BLVRA: variants seen among roughly 807,000 people sequenced by gnomAD.
The protein encoded by BLVRA is BVR A.
BLVRA carries 22 observed loss-of-function variants against 32.8 expected under a neutral mutation model. The observed-to-expected ratio is 0.67, with a 90% CI of 0.48 to 0.96. The LOEUF (loss-of-function observed/expected upper bound fraction) is 0.96. Ranked by LOEUF, BLVRA falls within the 40% of genes least tolerant of loss-of-function variation. BLVRA has a pLI of 0.00. For missense variants in BLVRA, 323 were observed against 358.1 expected (o/e 0.90, Z 0.79); for synonymous variants, 119 against 141.3 (o/e 0.84, Z 1.12).
intron 2 of BLVRA, among the ~76,000 whole-genome samples, chr7:43,773,497 C>T (rs1346492159): frequency 1.3e-5 from 2 of 152,176 alleles, no homozygotes; most frequent in African/African-American, 2.4e-5. Flanking sequence ...CATAGTATTC[C>T]ATGGTGTATA....
chr7:43,774,977 G>T (rs1444183838), intron 2 of BLVRA, among the ~76,000 whole-genome samples: 1 of 152,118 alleles, frequency 6.6e-6, no homozygotes, highest in African/African-American at 2.4e-5. Flanking sequence ...TGTGATTTTT[G>T]TACATTGATT....
At chr7:43,761,558 C>A (rs1563533168) in intron 1 of BLVRA, among the ~76,000 whole-genome samples, 1 of 151,872 alleles carries the variant, frequency 6.6e-6, no homozygotes, top group Non-Finnish European at 1.5e-5. Context: ...ACATACATGG[C>A]AACTTCATTC....
Position 43,797,926 on chromosome 7 carries a change from TCA to T in BLVRA, c.353-2535_353-2534del, listed in dbSNP as rs1224879309. Reference sequence around the variant, plus strand: ...TATGCAAGTGGCCAGGCATGGTGGCTCACACCTGTAATCCTAGCACTTTGGGA... The same window carrying T: ...TATGCAAGTGGCCAGGCATGGTGGCTCACCTGTAATCCTAGCACTTTGGGA... On this transcript the variant is annotated intron_variant, in intron 5 of 7. Coordinates refer to ENST00000265523, the MANE Select transcript of BLVRA (RefSeq NM_000712.4). Among the ~76,000 whole-genome samples the T allele has an allele frequency of 3.9e-5, 6 of 152,032 alleles. No homozygotes were observed. The East Asian group carries it at 1.2e-3, about 29-fold the overall frequency.
At chr7:43,767,176 T>G (rs916172440) in intron 1 of BLVRA, 1 of 542,574 alleles carries the variant, frequency 1.8e-6, no homozygotes, top group Non-Finnish European at 3.3e-6. Context: ...AACAATAAAG[T>G]TCATAAGTAA....
intron 5 of BLVRA, among the ~76,000 whole-genome samples, chr7:43,794,711 G>A (rs2095789846): frequency 6.6e-6 from 1 of 151,962 alleles, no homozygotes; most frequent in Non-Finnish European, 1.5e-5. Context: ...CTCCAGCCTG[G>A]GTAACACCAT....
intron 1 of BLVRA, among the ~76,000 whole-genome samples, chr7:43,759,049 A>C (rs2095739478): frequency 6.6e-6 from 1 of 152,244 alleles, no homozygotes; most frequent in Non-Finnish European, 1.5e-5. Context: ...ATGTAGACCC[A>C]AGAGGGCAGG....
At chr7:43,772,541 T>C (rs867623219) in intron 2 of BLVRA, among the ~76,000 whole-genome samples, 16 of 152,222 alleles carry the variant, frequency 1.1e-4, no homozygotes, top group African/African-American at 2.9e-4. Context: ...CTGTCTGGTA[T>C]GAGACATTCC....
rs957641152 is a variant in BLVRA at position 43,787,145 on chromosome 7, A to G, written c.13-759A>G. On this transcript the variant is annotated intron_variant, in intron 2 of 7. Coordinates refer to ENST00000265523, the MANE Select transcript of BLVRA (RefSeq NM_000712.4). The surrounding 1 kb of genome is among the most constrained non-coding windows in gnomAD (Gnocchi z 4.5). ...TCCATGTTGGCCAGGCTGGTCTGGAACTCCTGACCTCAAGTGATCCACCTG... is the reference window on the plus strand; with the variant it reads ...TCCATGTTGGCCAGGCTGGTCTGGAGCTCCTGACCTCAAGTGATCCACCTG... Among the ~76,000 whole-genome samples, 1 of 151,460 alleles carries G rather than the reference A, an allele frequency of 6.6e-6. No homozygotes were observed. Among genetic ancestry groups the G allele is most frequent in the Admixed American group, 6.6e-5 (1 of 15,202 alleles).
chr7:43,803,175 C>T (rs528643875), intron 6 of BLVRA, among the ~76,000 whole-genome samples: 1 of 152,244 alleles, frequency 6.6e-6, no homozygotes, highest in Non-Finnish European at 1.5e-5. Context: ...ACCTTCATAC[C>T]TTATTGCCAC....
Position 43,791,358 on chromosome 7 carries a change from G to A in BLVRA, c.244G>A (p.Asp82Asn), listed in dbSNP as rs368001334. Residue 82 changes from aspartate to asparagine, a missense_variant, in exon 4 of 8, where the codon GAC (aspartate) becomes AAC (asparagine). Coordinates refer to ENST00000265523, the MANE Select transcript of BLVRA (RefSeq NM_000712.4). ...YICSESSSHEDYIRQFLNAGK... is the reference protein window; with the variant it reads ...YICSESSSHENYIRQFLNAGK... ...CTGCAGTGAGAGCTCCAGCCATGAG[G>A]ACTACATCAGGTGGGTTTTCCACAC... 9.9e-5 allele frequency: 159 copies of A among 1,614,036 alleles called. No homozygotes were observed. The highest frequency in any genetic ancestry group is 1.3e-4 in the Non-Finnish European group (154 of 1,180,024).
intron 3 of BLVRA, among the ~76,000 whole-genome samples, chr7:43,789,698 G>T (rs2095783081): frequency 6.6e-6 from 1 of 152,130 alleles, no homozygotes; most frequent in South Asian, 2.1e-4. Flanking sequence ...CTGCATGACA[G>T]CCCTGCCAGT....
intron 2 of BLVRA, among the ~76,000 whole-genome samples, chr7:43,776,396 T>A (rs1465678932): frequency 1.3e-5 from 2 of 152,258 alleles, no homozygotes; most frequent in South Asian, 4.1e-4. Context: ...CATTTCATTA[T>A]GTACCCAGTA....
At chr7:43,767,652 C>A in intron 1 of BLVRA, 1 of 706,336 alleles carries the variant, frequency 1.4e-6, no homozygotes, top group Non-Finnish European at 2.5e-6. Context: ...ATGATAAATG[C>A]TGGAGGGGGG....
chr7:43,774,436 A>G (rs1376108843), intron 2 of BLVRA, among the ~76,000 whole-genome samples: 3 of 152,332 alleles, frequency 2.0e-5, no homozygotes, highest in Admixed American at 2.0e-4. Flanking sequence ...TTTGTCAAAG[A>G]TCAGATAGTT....
intron 1 of BLVRA, among the ~76,000 whole-genome samples, chr7:43,760,929 CA>C (rs1451262525): frequency 6.6e-6 from 1 of 152,120 alleles, no homozygotes; most frequent in Non-Finnish European, 1.5e-5. Flanking sequence ...CCACCATGAC[CA>C]GCTAATTTTT....
intron 1 of BLVRA, among the ~76,000 whole-genome samples, chr7:43,762,559 G>A (rs2095743475): frequency 6.7e-6 from 1 of 149,148 alleles, no homozygotes; most frequent in East Asian, 2.0e-4. Flanking sequence ...TGAAACTCTA[G>A]AGCTTTGTCA....
chr7:43,788,476 G>T (rs2095781085), intron 3 of BLVRA, among the ~76,000 whole-genome samples: 1 of 152,194 alleles, frequency 6.6e-6, no homozygotes, highest in South Asian at 2.1e-4. Context: ...CCACAGAAAG[G>T]TTAAGTAATC....
intron 2 of BLVRA, among the ~76,000 whole-genome samples, chr7:43,785,688 G>A (rs1056676202): frequency 2.0e-5 from 3 of 152,318 alleles, no homozygotes; most frequent in South Asian, 4.1e-4. Flanking sequence ...CTTTCCAGAC[G>A]TCTTGGCTTC....
intron 3 of BLVRA, among the ~76,000 whole-genome samples, chr7:43,790,013 A>G (rs1400853486): frequency 6.6e-6 from 1 of 152,168 alleles, no homozygotes; most frequent in East Asian, 1.9e-4. Flanking sequence ...TATTGCTGAA[A>G]TTGAGCAATT....
Sources: allele counts gnomAD v4.1 joint callset (sites outside exome capture counted in the v4.1 genomes callset), GRCh38; gene constraint gnomAD v4.1.1; non-coding constraint Gnocchi (gnomAD v3.1); transcripts MANE v1.5; gene names NCBI Gene and HGNC (gene_info 2026-07-23, HGNC 2026-07-21).